The following DNAH14 variants were observed in gnomAD, a reference collection of about 807,000 sequenced individuals.
DNAH14 encodes axonemal beta dynein heavy chain 14.
Under a neutral mutation model 520.9 loss-of-function variants are expected in DNAH14, and 478 were observed. The observed-to-expected ratio is 0.92, with a 90% CI of 0.85 to 0.99. The LOEUF (loss-of-function observed/expected upper bound fraction) is 0.99, where lower values mean the gene tolerates loss of function less well. DNAH14 is among the 50% of genes least tolerant of loss of function. DNAH14 has a pLI of 0.00. For missense variants in DNAH14, 4,831 were observed against 5,234.5 expected (o/e 0.92, Z 2.38); for synonymous variants, 1,581 against 1,757.2 (o/e 0.90, Z 2.51).
intron 36 of DNAH14, among the ~76,000 whole-genome samples, chr1:225,171,491 C>T (rs764514676): frequency 2.6e-5 from 4 of 152,150 alleles, no homozygotes; most frequent in Non-Finnish European, 5.9e-5. Flanking sequence ...ACTATAAACA[C>T]CTCTATGCAA....
intron 4 of DNAH14, among the ~76,000 whole-genome samples, chr1:224,963,255 T>C (rs1042309888): frequency 1.3e-5 from 2 of 152,106 alleles, no homozygotes; most frequent in African/African-American, 4.8e-5. Context: ...TGGTAGCTTT[T>C]CTTGTGTATA....
intron 15 of DNAH14, among the ~76,000 whole-genome samples, chr1:225,047,838 A>G (rs540493151): frequency 2.6e-5 from 4 of 152,190 alleles, no homozygotes; most frequent in Admixed American, 1.3e-4. Flanking sequence ...ACCCTCTTCA[A>G]TGAGGTTATG....
At chr1:225,152,602 C>A in intron 32 of DNAH14, 95 bp from the exon 33 acceptor site, 7 of 1,137,308 alleles carry the variant, frequency 6.2e-6, no homozygotes, top group Non-Finnish European at 8.5e-6. Context: ...TCACACAGAA[C>A]ACCAATATAA....
At chr1:225,166,493 A>G (rs1368013043) in intron 35 of DNAH14, among the ~76,000 whole-genome samples, 1 of 152,244 alleles carries the variant, frequency 6.6e-6, no homozygotes, top group Non-Finnish European at 1.5e-5. Flanking sequence ...TGGTTTTAAT[A>G]TTAAATTTGG....
At chr1:225,191,824 C>A (rs754156162) in intron 37 of DNAH14, among the ~76,000 whole-genome samples, 1 of 151,900 alleles carries the variant, frequency 6.6e-6, no homozygotes, top group Non-Finnish European at 1.5e-5. Flanking sequence ...CTGCTTAAAT[C>A]TGCTATTGAA....
In DNAH14 at chr1:225,326,326, A is replaced by G. The variant is rs376897176; in HGVS notation, c.9723+1494A>G. 1.7e-4 allele frequency among the ~76,000 whole-genome samples: 26 copies of G among 152,328 alleles called. No homozygotes were observed. In the East Asian group the frequency reaches 3.3e-3, roughly 19 times the overall value. ...GGCTTTTAAACTGCTACATTTTAAA[A>G]TATTTATATCCAGAAGTGATATCCA... On this transcript the variant is annotated intron_variant, in intron 64 of 85. Transcript: ENST00000682510.
At chr1:225,245,268 G>T (rs897489796) in intron 43 of DNAH14, among the ~76,000 whole-genome samples, 1 of 152,114 alleles carries the variant, frequency 6.6e-6, no homozygotes, top group African/African-American at 2.4e-5. Flanking sequence ...TTCCACTTAT[G>T]TGATCAATTT....
chr1:224,957,985 G>A (rs182070134), intron 3 of DNAH14, among the ~76,000 whole-genome samples: 3 of 152,166 alleles, frequency 2.0e-5, no homozygotes, highest in Admixed American at 6.6e-5. Flanking sequence ...ATGAAGAGAC[G>A]TGATCTAAAC....
chr1:225,333,209 C>A, intron 65 of DNAH14, 82 bp from the exon 66 acceptor site: 1 of 1,154,608 alleles, frequency 8.7e-7, no homozygotes, highest in South Asian at 1.8e-5. Flanking sequence ...AATGATAGAT[C>A]CAACTTGGAA....
intron 21 of DNAH14, among the ~76,000 whole-genome samples, chr1:225,094,656 C>CAAA (rs760828776): frequency 7.4e-3 from 572 of 76,918 alleles, no homozygotes; most frequent in Non-Finnish European, 0.014. Context: ...TTCTGCACAG[C>CAAA]AAAAAAAAAA....
chr1:225,116,924 A>G (rs1295381155), intron 23 of DNAH14, among the ~76,000 whole-genome samples: 1 of 152,198 alleles, frequency 6.6e-6, no homozygotes, highest in East Asian at 1.9e-4. Flanking sequence ...ATCTGACTTC[A>G]CAAGTTCTTT....
intron 10 of DNAH14, among the ~76,000 whole-genome samples, chr1:225,015,756 A>G (rs1241342024): frequency 6.6e-6 from 1 of 152,244 alleles, no homozygotes; most frequent in African/African-American, 2.4e-5. Context: ...GCAAATTGCA[A>G]TGGGAAGAGG....
In DNAH14 at chr1:225,374,182, T is replaced by TATATATATATATAC. The variant is rs1263904206; in HGVS notation, c.12319-505_12319-504insTATATATATATACA. Among the ~76,000 whole-genome samples the TATATATATATATAC allele has an allele frequency of 8.2e-5, 8 of 97,118 alleles. 1 individual carries two copies. Among genetic ancestry groups the TATATATATATATAC allele is most frequent in the African/African-American group, 2.1e-4 (6 of 28,320 alleles). The allele number at this position is 97,118 out of a possible 152,430, so 63.7% of individuals were successfully genotyped here. On this transcript the variant is annotated intron_variant, in intron 77 of 85. Transcript: ENST00000682510. ...ATATATATATATATATATATATATATACTATTCTAGTAAATATAAACTATT... is the reference window on the plus strand; with the variant it reads ...ATATATATATATATATATATATATATATATATATATATACACTATTCTAGTAAATATAAACTATT...
intron 8 of DNAH14, among the ~76,000 whole-genome samples, chr1:224,979,901 C>G (rs1182582513): frequency 6.6e-6 from 1 of 152,164 alleles, no homozygotes; most frequent in East Asian, 1.9e-4. Context: ...TAGAAGGGAA[C>G]CCACTGCTGT....
At chr1:225,230,799 C>T (rs981024165) in intron 41 of DNAH14, among the ~76,000 whole-genome samples, 2 of 151,996 alleles carry the variant, frequency 1.3e-5, no homozygotes, top group Non-Finnish European at 2.9e-5. Flanking sequence ...AACAATCAGT[C>T]TTATTTTAAA....
intron 8 of DNAH14, among the ~76,000 whole-genome samples, chr1:224,987,382 C>A (rs74149428): frequency 0.053 from 8,009 of 152,152 alleles, 620 homozygotes; most frequent in African/African-American, 0.17. Flanking sequence ...ATTCAGGCCA[C>A]AATGGATTGG....
At chr1:225,011,806 C>G (rs1486800541) in intron 10 of DNAH14, among the ~76,000 whole-genome samples, 6 of 133,552 alleles carry the variant, frequency 4.5e-5, no homozygotes, top group Non-Finnish European at 9.0e-5. Context: ...TTGCTTGGTA[C>G]ATCTTCCTCC....
intron 15 of DNAH14, among the ~76,000 whole-genome samples, chr1:225,047,968 A>C (rs1409703170): frequency 2.0e-5 from 3 of 152,128 alleles, no homozygotes; most frequent in Non-Finnish European, 4.4e-5. Flanking sequence ...GGGTGGTGTT[A>C]AGGGTTTTGA....
At chr1:225,126,892 A>G (rs1198759021) in intron 27 of DNAH14, among the ~76,000 whole-genome samples, 1 of 151,704 alleles carries the variant, frequency 6.6e-6, no homozygotes, top group Non-Finnish European at 1.5e-5. Flanking sequence ...TGTCCCAGAG[A>G]TTCTGGTATG....
Sources: gnomAD v4.1 joint callset for allele counts (sites outside exome capture counted in the v4.1 genomes callset) on GRCh38, gnomAD v4.1.1 for gene constraint, MANE v1.5 for transcripts, NCBI Gene and HGNC (gene_info 2026-07-23, HGNC 2026-07-21) for gene names.